The following HOXC4 variants were observed in gnomAD, a reference collection of about 807,000 sequenced individuals.
The protein encoded by HOXC4 is homeobox C4.
HOXC4 carries 15 observed loss-of-function variants against 25.5 expected under a neutral mutation model. The ratio of observed to expected loss-of-function variants is 0.59; its 90% CI spans 0.39 to 0.91. The LOEUF is 0.91. HOXC4 is among the 40% of genes least tolerant of loss of function. The probability of loss-of-function intolerance (pLI) is 0.00; values close to 1 mark genes in which losing one functional copy is unlikely to be tolerated. For missense variants in HOXC4, 342 were observed against 352.4 expected, an observed-to-expected ratio of 0.97 and a Z score of 0.24; for synonymous variants, 165 against 148.0, an observed-to-expected ratio of 1.11 and a Z score of -0.83.
At chr12:54,050,734 G>A (rs1166835619), upstream of HOXC4, among the ~76,000 whole-genome samples, 2 of 152,190 alleles carry the variant, frequency 1.3e-5, no homozygotes, top group Non-Finnish European at 2.9e-5. Flanking sequence ...TTGTTGTTTT[G>A]TAAATGATGT....
At chr12:54,053,760 A>G (rs900138102), upstream of HOXC4, 1 of 604,724 alleles carries the variant, frequency 1.7e-6, no homozygotes, top group Non-Finnish European at 2.9e-6. Flanking sequence ...TACATTTTGA[A>G]TAAAGCGATT....
intron 1 of HOXC4, 26 bp downstream of exon 1, chr12:54,054,387 C>T: frequency 1.4e-6 from 2 of 1,466,494 alleles, no homozygotes; most frequent in Non-Finnish European, 1.8e-6. Context: ...TTTTGCTCCC[C>T]CCCTCCCTCC....
intron 1 of HOXC4, chr12:54,021,919 AC>A (rs1387484343): frequency 6.6e-6 from 1 of 151,944 alleles, no homozygotes; most frequent in Non-Finnish European, 1.5e-5. Context: ...CTTTCCAGCA[AC>A]CCCCTCCTGC....
intron 1 of HOXC4, chr12:54,029,048 C>A (rs899459501): frequency 3.1e-5 from 28 of 900,614 alleles, no homozygotes; most frequent in Non-Finnish European, 4.1e-5. Flanking sequence ...GTCTCCTCAC[C>A]GAGACAGGGC....
At chr12:54,033,527 G>A (rs769823676) in intron 1 of HOXC4, 4 of 1,561,614 alleles carry the variant, frequency 2.6e-6, no homozygotes, top group African/African-American at 1.3e-5. Flanking sequence ...GCCAGCCACC[G>A]GCCCCGCCAC....
At chr12:54,045,478 TATTTTGAAA>T (rs1459288941) in intron 1 of HOXC4, among the ~76,000 whole-genome samples, 2 of 152,246 alleles carry the variant, frequency 1.3e-5, no homozygotes, top group Non-Finnish European at 2.9e-5. Context: ...GTTCAATGTC[TATTTTGAAA>T]ATTTTATCTA....
At chr12:54,050,742 T>C (rs1937825193), upstream of HOXC4, among the ~76,000 whole-genome samples, 1 of 152,218 alleles carries the variant, frequency 6.6e-6, no homozygotes, top group African/African-American at 2.4e-5. Context: ...TTGTAAATGA[T>C]GTAGATGAGT....
upstream of HOXC4, among the ~76,000 whole-genome samples, chr12:54,049,969 C>T (rs1029724762): frequency 1.3e-5 from 2 of 152,112 alleles, no homozygotes; most frequent in Non-Finnish European, 2.9e-5. Context: ...ACAACAACAA[C>T]AACAACATTC....
At chr12:54,045,462 G>A (rs967333243) in intron 1 of HOXC4, among the ~76,000 whole-genome samples, 3 of 152,188 alleles carry the variant, frequency 2.0e-5, no homozygotes, top group Non-Finnish European at 4.4e-5. Flanking sequence ...AAAGAACTAT[G>A]TGTGTGTTCA....
At chr12:54,020,621 T>C (rs1333103037) in intron 1 of HOXC4, 2 of 152,194 alleles carry the variant, frequency 1.3e-5, no homozygotes, top group African/African-American at 4.8e-5. Context: ...GGTGGTTAAT[T>C]GTATATTACC....
chr12:54,037,158 G>A (rs764597166), intron 1 of HOXC4, among the ~76,000 whole-genome samples: 2 of 152,334 alleles, frequency 1.3e-5, no homozygotes, highest in Admixed American at 6.5e-5. Context: ...CAGCATCGTC[G>A]GGAGTCAGCG....
rs535124813 is a variant in HOXC4 at position 54,032,541 on chromosome 12, C to T, written c.-124+15127C>T. Reference sequence around the variant, plus strand: ...CAGCCATTTTTGAAGATTGGAAGACCCTGGAGGTTGGGAGAACGGGACTTT... The same window carrying T: ...CAGCCATTTTTGAAGATTGGAAGACTCTGGAGGTTGGGAGAACGGGACTTT... On this transcript the variant is annotated intron_variant, in intron 1 of 3. Transcript: ENST00000303406. Among the ~76,000 whole-genome samples the T allele has an allele frequency of 3.3e-5, 5 of 152,280 alleles. No individual in the cohort carries two copies. The South Asian group carries it at 1.0e-3, about 32-fold the overall frequency.
intron 1 of HOXC4, among the ~76,000 whole-genome samples, chr12:54,017,843 C>T (rs1041251723): frequency 2.0e-5 from 3 of 152,152 alleles, no homozygotes; most frequent in Non-Finnish European, 4.4e-5. Context: ...CCCATTGCCC[C>T]CTAAGCAAAG....
chr12:54,029,592 G>C, intron 1 of HOXC4: 1 of 1,540,720 alleles, frequency 6.5e-7, no homozygotes, highest in South Asian at 1.2e-5. Flanking sequence ...TTTGCTAGGC[G>C]AAACAGTCTG....
chr12:54,026,727 ACTGT>A (rs1288950744), intron 1 of HOXC4, among the ~76,000 whole-genome samples: 3 of 152,140 alleles, frequency 2.0e-5, no homozygotes, highest in Admixed American at 1.3e-4. Context: ...GCTCCTGCAC[ACTGT>A]CTGCTTTTGG....
At chr12:54,019,091 C>G (rs1237418929) in intron 1 of HOXC4, among the ~76,000 whole-genome samples, 5 of 150,002 alleles carry the variant, frequency 3.3e-5, no homozygotes, top group Non-Finnish European at 7.4e-5. Context: ...TTTCTGCCCC[C>G]GCTAAATTCC....
chr12:54,044,287 G>A (rs972829788), intron 1 of HOXC4, among the ~76,000 whole-genome samples: 1 of 152,078 alleles, frequency 6.6e-6, no homozygotes, highest in Non-Finnish European at 1.5e-5. Context: ...AGCATCTGGA[G>A]TCTTCAAAAT....
At chr12:54,025,453 C>T (rs1357681295) in intron 1 of HOXC4, among the ~76,000 whole-genome samples, 1 of 147,112 alleles carries the variant, frequency 6.8e-6, no homozygotes, top group African/African-American at 2.5e-5. Flanking sequence ...ATCCTTTCAG[C>T]AAATTTCAGC....
chr12:54,052,577 G>GT (rs910398728), upstream of HOXC4, among the ~76,000 whole-genome samples: 1 of 150,592 alleles, frequency 6.6e-6, no homozygotes, highest in Non-Finnish European at 1.5e-5. Flanking sequence ...GCTGGGGGGG[G>GT]GGGGTGGTGG....
Sources: allele counts gnomAD v4.1 joint callset (sites outside exome capture counted in the v4.1 genomes callset), GRCh38; gene constraint gnomAD v4.1.1; transcripts MANE v1.5; gene names NCBI Gene and HGNC (gene_info 2026-07-23, HGNC 2026-07-21).